Variants in MAP3K13 observed in about 807,000 individuals in gnomAD.
MAP3K13 encodes the protein mitogen-activated protein kinase kinase kinase 13, also known as leucine zipper-bearing kinase.
Under a neutral mutation model 104.0 loss-of-function variants are expected in MAP3K13, and 52 were observed. That is an observed-to-expected ratio of 0.50 (90% CI 0.40 to 0.63). The LOEUF is 0.63. MAP3K13 is among the 20% of genes least tolerant of loss of function. The probability of loss-of-function intolerance (pLI) is 0.00; values close to 1 mark genes in which losing one functional copy is unlikely to be tolerated. For synonymous variants in MAP3K13, 394 were observed against 442.2 expected (o/e 0.89, Z 1.37); for missense variants, 914 against 1,218.5 (o/e 0.75, Z 3.72).
chr3:185,418,064 T>G lies in MAP3K13; in HGVS notation c.-85-10433T>G. On this transcript the variant is annotated intron_variant, in intron 1 of 13. Transcript: ENST00000265026. The surrounding 1 kb of genome is among the most constrained non-coding windows in gnomAD (Gnocchi z 4.5). ...CCCACATGCCCACCAGGAGCAAGCT[T>G]CAAAATGTTCAGCTTGCTTACATTA... is the stretch of plus-strand genomic sequence containing the variant. The G allele has an allele frequency of 6.2e-7, 1 of 1,611,852 alleles. No individual in the cohort carries two copies. Among genetic ancestry groups the G allele is most frequent in the Non-Finnish European group, 8.5e-7 (1 of 1,179,680 alleles).
rs567695892 is a variant in MAP3K13 at position 185,413,752 on chromosome 3, G to A, written c.-85-14745G>A. ...CAGGAGAATCATTTGAACCCGGGAG[G>A]CAGATGTTGCAGTGAGCTGAGATTG... is the stretch of plus-strand genomic sequence containing the variant. On this transcript the variant is annotated intron_variant, in intron 1 of 13. Transcript: ENST00000265026. 7.9e-4 allele frequency among the ~76,000 whole-genome samples: 121 copies of A among 152,268 alleles called. No homozygotes were observed. In the Middle Eastern group the frequency reaches 0.014, roughly 17 times the overall value.
At chr3:185,303,018 T>C (rs1721162387) in intron 2 of MAP3K13, among the ~76,000 whole-genome samples, 2 of 152,194 alleles carry the variant, frequency 1.3e-5, no homozygotes, top group African/African-American at 4.8e-5. Context: ...CTTCTATTTT[T>C]AGTTTGTTGG....
At chr3:185,316,576 A>G (rs9290817) in intron 2 of MAP3K13, among the ~76,000 whole-genome samples, 119,353 of 152,108 alleles carry the variant, frequency 0.78, 47,265 homozygotes, top group Non-Finnish European at 0.84. Flanking sequence ...GGGAGGTGGA[A>G]GTTGCAGTGA....
intron 2 of MAP3K13, among the ~76,000 whole-genome samples, chr3:185,325,752 C>G (rs1296901798): frequency 6.6e-6 from 1 of 152,176 alleles, no homozygotes; most frequent in African/African-American, 2.4e-5. Context: ...TGAAAACCTT[C>G]CCATGGCATC....
At chr3:185,447,492 C>G (rs886189074) in intron 4 of MAP3K13, among the ~76,000 whole-genome samples, 43 of 67,932 alleles carry the variant, frequency 6.3e-4, no homozygotes, top group African/African-American at 2.8e-3. Context: ...GAAACTCTGT[C>G]TCAAAAAAAA....
intron 2 of MAP3K13, among the ~76,000 whole-genome samples, chr3:185,342,281 C>T (rs988560181): frequency 5.3e-5 from 8 of 152,136 alleles, no homozygotes; most frequent in African/African-American, 1.4e-4. Context: ...TGAGTTGTTA[C>T]GTTTTGGGGC....
At chr3:185,454,255 C>T (rs1466573916) in intron 7 of MAP3K13, among the ~76,000 whole-genome samples, 8 of 66,528 alleles carry the variant, frequency 1.2e-4, no homozygotes, top group African/African-American at 4.5e-4. Flanking sequence ...ATATATGATA[C>T]ATATATGAGA....
At chr3:185,370,180 C>G (rs956642081) in intron 1 of MAP3K13, among the ~76,000 whole-genome samples, 2 of 152,040 alleles carry the variant, frequency 1.3e-5, no homozygotes, top group Non-Finnish European at 2.9e-5. Context: ...TATTCCAATT[C>G]TTTCATAGTA....
intron 2 of MAP3K13, among the ~76,000 whole-genome samples, chr3:185,306,916 T>G (rs960538793): frequency 6.6e-6 from 1 of 152,150 alleles, no homozygotes; most frequent in African/African-American, 2.4e-5. Context: ...CAGTTTGAGG[T>G]CTTATTTAAA....
chr3:185,321,796 G>A (rs1292589881), intron 2 of MAP3K13, among the ~76,000 whole-genome samples: 1 of 152,012 alleles, frequency 6.6e-6, no homozygotes, highest in African/African-American at 2.4e-5. Flanking sequence ...TAGAGACAAG[G>A]TTTCACCATG....
Position 185,418,682 on chromosome 3 carries a change from G to A in MAP3K13, c.-85-9815G>A. ...TGAACAAAGTTCACAATATCTGGTCGAATAGGAGCCTTGAATACAGCAGGC... is the reference window on the plus strand; with the variant it reads ...TGAACAAAGTTCACAATATCTGGTCAAATAGGAGCCTTGAATACAGCAGGC... On this transcript the variant is annotated intron_variant, in intron 1 of 13. Transcript: ENST00000265026. This position sits in a 1 kb window ranked among gnomAD's most constrained non-coding sequence, Gnocchi z 4.5. 2 of 1,611,610 alleles carry A rather than the reference G, an allele frequency of 1.2e-6. No individual in the cohort carries two copies. Among genetic ancestry groups the A allele is most frequent in the Non-Finnish European group, 1.7e-6 (2 of 1,178,670 alleles).
intron 2 of MAP3K13, among the ~76,000 whole-genome samples, chr3:185,431,354 T>A (rs947221315): frequency 7.2e-5 from 11 of 152,214 alleles, no homozygotes; most frequent in African/African-American, 2.2e-4. Flanking sequence ...TTTTAAGCAA[T>A]CCCCTAGTGC....
chr3:185,408,798 G>T (rs1025276877), intron 1 of MAP3K13, among the ~76,000 whole-genome samples: 1 of 152,040 alleles, frequency 6.6e-6, no homozygotes, highest in Non-Finnish European at 1.5e-5. Context: ...TAATAAACAT[G>T]GGACAACAAC....
chr3:185,331,339 C>T (rs1272796692), intron 2 of MAP3K13, among the ~76,000 whole-genome samples: 4 of 152,072 alleles, frequency 2.6e-5, no homozygotes, highest in Non-Finnish European at 4.4e-5. Flanking sequence ...AGGTGATCTG[C>T]CTGCCTTGGC....
At chr3:185,334,992 T>A (rs998148606) in intron 2 of MAP3K13, among the ~76,000 whole-genome samples, 47 of 150,642 alleles carry the variant, frequency 3.1e-4, no homozygotes, top group African/African-American at 8.8e-4. Context: ...GATGTACTGA[T>A]AAATAGACAT....
In MAP3K13 at chr3:185,455,389, TATC is replaced by T. The variant is rs1716483520; in HGVS notation, c.1278+3997_1278+3999del. Among the ~76,000 whole-genome samples, 13 of 98,072 alleles carry T rather than the reference TATC, an allele frequency of 1.3e-4. No individual in the cohort carries two copies. The South Asian group carries it at 2.9e-3, about 22-fold the overall frequency. The allele number at this position is 98,072 out of a possible 152,430, so 64.3% of individuals were successfully genotyped here. Reference sequence around the variant, plus strand: ...ATATATATGATATATATGATATATATATCATATATGAGATATATATATGAGATA... The same window carrying T: ...ATATATATGATATATATGATATATATATATATGAGATATATATATGAGATA... On this transcript the variant is annotated intron_variant, in intron 7 of 13. Transcript: ENST00000265026.
intron 12 of MAP3K13, among the ~76,000 whole-genome samples, chr3:185,478,525 C>T (rs962310095): frequency 6.6e-6 from 1 of 152,096 alleles, no homozygotes; most frequent in Non-Finnish European, 1.5e-5. Context: ...GATCTGCCCC[C>T]CTGACCCCCA....
At chr3:185,453,553 G>A (rs925932987) in intron 7 of MAP3K13, among the ~76,000 whole-genome samples, 4 of 151,700 alleles carry the variant, frequency 2.6e-5, no homozygotes, top group South Asian at 2.1e-4. Context: ...GGCAGATCAC[G>A]AGGTCAAGAG....
At chr3:185,468,064 G>C (rs1046569917) in intron 10 of MAP3K13, among the ~76,000 whole-genome samples, 1 of 152,042 alleles carries the variant, frequency 6.6e-6, no homozygotes, top group African/African-American at 2.4e-5. Flanking sequence ...GAACAGCACC[G>C]AGGAGATGAT....
Sources: gnomAD v4.1 joint callset for allele counts (sites outside exome capture counted in the v4.1 genomes callset) on GRCh38, gnomAD v4.1.1 for gene constraint, Gnocchi (gnomAD v3.1) non-coding constraint, MANE v1.5 for transcripts, NCBI Gene and HGNC (gene_info 2026-07-23, HGNC 2026-07-21) for gene names.